DLGAP2: variants seen among roughly 807,000 people sequenced by gnomAD.
DLGAP2 encodes DLG associated protein 2.
Under a neutral mutation model 100.3 loss-of-function variants are expected in DLGAP2, and 26 were observed. The ratio of observed to expected loss-of-function variants is 0.26; its 90% CI spans 0.19 to 0.36. The LOEUF (loss-of-function observed/expected upper bound fraction) is 0.36. DLGAP2 is among the 10% of genes least tolerant of loss of function. The pLI, the probability that DLGAP2 is intolerant of heterozygous loss-of-function variation, is 1.00. For synonymous variants in DLGAP2, 886 were observed against 630.1 expected, an observed-to-expected ratio of 1.41 and a Z score of -6.08; for missense variants, 1,858 against 1,453.2, an observed-to-expected ratio of 1.28 and a Z score of -4.53.
At chr8:1,037,227 G>A (rs778106935) in intron 2 of DLGAP2, among the ~76,000 whole-genome samples, 7 of 151,962 alleles carry the variant, frequency 4.6e-5, no homozygotes, top group Non-Finnish European at 1.0e-4. Context: ...CGGCCCGAGC[G>A]CCCCGAGCTT....
chr8:1,249,550 T>G (rs997101184), intron 2 of DLGAP2, among the ~76,000 whole-genome samples: 1 of 152,204 alleles, frequency 6.6e-6, no homozygotes, highest in South Asian at 2.1e-4. Context: ...AAAACGAAAC[T>G]AGAATAATTC....
chr8:1,451,157 C>T (rs1483083561), intron 3 of DLGAP2, among the ~76,000 whole-genome samples: 3 of 152,106 alleles, frequency 2.0e-5, no homozygotes, highest in Non-Finnish European at 4.4e-5. Flanking sequence ...CCAGCATGTT[C>T]CGCCGCTGCC....
In DLGAP2 at chr8:1,494,291, C is replaced by T. The variant is rs558285423; in HGVS notation, c.107-7075C>T. ...AGGCTTAACTGCTTCCTTTTGCTTC[C>T]GCATTAGCATGATTTGGAGACAACT... On this transcript the variant is annotated intron_variant, in intron 3 of 14. Coordinates refer to ENST00000637795, the MANE Select transcript of DLGAP2 (RefSeq NM_001346810.2). 1.0e-3 allele frequency among the ~76,000 whole-genome samples: 157 copies of T among 152,204 alleles called. 1 individual carries two copies. Among genetic ancestry groups the T allele is most frequent in the Non-Finnish European group, 1.7e-3 (119 of 68,034 alleles).
chr8:785,904 G>GGCC (rs1821849098), intron 1 of DLGAP2, among the ~76,000 whole-genome samples: 1 of 152,104 alleles, frequency 6.6e-6, no homozygotes, highest in African/African-American at 2.4e-5. Flanking sequence ...GCTCCTGCCG[G>GGCC]GCCCCTCCCG....
At chr8:940,001 G>A (rs1461353661) in intron 2 of DLGAP2, among the ~76,000 whole-genome samples, 4 of 152,008 alleles carry the variant, frequency 2.6e-5, no homozygotes, top group African/African-American at 7.3e-5. Context: ...GAGAGAATCC[G>A]GGAATAGAAG....
intron 3 of DLGAP2, among the ~76,000 whole-genome samples, chr8:1,412,229 G>C (rs1209831397): frequency 6.6e-6 from 1 of 152,090 alleles, no homozygotes; most frequent in Non-Finnish European, 1.5e-5. Flanking sequence ...TGAAGGCGAG[G>C]TCCCCCGCCA....
At chr8:1,634,105 C>G (rs988059757) in intron 8 of DLGAP2, among the ~76,000 whole-genome samples, 1 of 152,220 alleles carries the variant, frequency 6.6e-6, no homozygotes, top group African/African-American at 2.4e-5. Flanking sequence ...AGGGAAGGAA[C>G]TGTGTTCAAA....
chr8:1,377,064 G>A (rs756382821), intron 3 of DLGAP2, among the ~76,000 whole-genome samples: 2 of 152,226 alleles, frequency 1.3e-5, no homozygotes, highest in African/African-American at 2.4e-5. Context: ...ATTAGAATAG[G>A]GCAGTGAGAT....
chr8:810,211 C>A (rs1045928272), intron 1 of DLGAP2, among the ~76,000 whole-genome samples: 1 of 152,238 alleles, frequency 6.6e-6, no homozygotes, highest in Non-Finnish European at 1.5e-5. Flanking sequence ...CACTTCTAAT[C>A]TTTGCAGCTT....
Position 881,666 on chromosome 8 carries a change from A to ATGTATATATATATAT in DLGAP2, c.19-26246_19-26245insTGTATATATATATAT. On this transcript the variant is annotated intron_variant, in intron 1 of 14. Coordinates refer to ENST00000637795, the MANE Select transcript of DLGAP2 (RefSeq NM_001346810.2). Reference sequence around the variant, plus strand: ...AGGCGCACGCCACCACTTGTGGCTGAACACACACACACACACTTTTTTTTT... The same window carrying ATGTATATATATATAT: ...AGGCGCACGCCACCACTTGTGGCTGATGTATATATATATATACACACACACACACACTTTTTTTTT... 5.0e-4 allele frequency among the ~76,000 whole-genome samples: 66 copies of ATGTATATATATATAT among 130,972 alleles called. 1 individual carries two copies. Among genetic ancestry groups the ATGTATATATATATAT allele is most frequent in the South Asian group, 7.2e-4 (3 of 4,162 alleles). 85.9% of individuals were successfully genotyped at this position (130,972 alleles called of 152,430 possible).
chr8:909,210 G>A (rs984125609), intron 2 of DLGAP2, among the ~76,000 whole-genome samples: 1 of 152,006 alleles, frequency 6.6e-6, no homozygotes, highest in Non-Finnish European at 1.5e-5. Context: ...GATATTTTTG[G>A]GCCTCTTTTT....
chr8:1,028,669 G>A (rs1223194535), intron 2 of DLGAP2, among the ~76,000 whole-genome samples: 6 of 152,266 alleles, frequency 3.9e-5, no homozygotes, highest in Admixed American at 6.5e-5. Flanking sequence ...GAGCCATCCA[G>A]GAGCTAGGGT....
chr8:1,276,405 C>G (rs976238635), intron 3 of DLGAP2, among the ~76,000 whole-genome samples: 3 of 152,032 alleles, frequency 2.0e-5, no homozygotes, highest in African/African-American at 7.2e-5. Flanking sequence ...CTTGGCCGCA[C>G]GTTGGGAAAC....
chr8:1,089,502 C>A (rs553404955), intron 2 of DLGAP2, among the ~76,000 whole-genome samples: 1 of 152,316 alleles, frequency 6.6e-6, no homozygotes, highest in East Asian at 1.9e-4. Flanking sequence ...CTCCTGCTGC[C>A]CCAGGCCTTC....
intron 8 of DLGAP2, among the ~76,000 whole-genome samples, chr8:1,634,821 G>C (rs1797730424): frequency 6.6e-6 from 1 of 152,148 alleles, no homozygotes. Flanking sequence ...ACAGAGATAA[G>C]AACCAGTTCT....
At chr8:1,311,694 T>G (rs1415404778) in intron 3 of DLGAP2, among the ~76,000 whole-genome samples, 1 of 139,682 alleles carries the variant, frequency 7.2e-6, no homozygotes. Flanking sequence ...ATCTCATAAC[T>G]GTTCATGATA....
At chr8:1,202,024 C>G (rs1277201960) in intron 2 of DLGAP2, among the ~76,000 whole-genome samples, 1 of 149,040 alleles carries the variant, frequency 6.7e-6, no homozygotes, top group Non-Finnish European at 1.5e-5. Context: ...TGTCTATGTA[C>G]ATGTGTGCAC....
intron 3 of DLGAP2, among the ~76,000 whole-genome samples, chr8:1,467,378 C>A (rs989905802): frequency 6.6e-6 from 1 of 151,642 alleles, no homozygotes; most frequent in Admixed American, 6.6e-5. Context: ...CCCACAGCCC[C>A]CCAGAGCTCT....
At chr8:1,383,530 G>A (rs1796142426) in intron 3 of DLGAP2, among the ~76,000 whole-genome samples, 2 of 152,304 alleles carry the variant, frequency 1.3e-5, no homozygotes, top group East Asian at 1.9e-4. Context: ...GGGACACACA[G>A]TTGGCGACGT....
Sources: gnomAD v4.1 joint callset for allele counts (sites outside exome capture counted in the v4.1 genomes callset) on GRCh38, gnomAD v4.1.1 for gene constraint, MANE v1.5 for transcripts, NCBI Gene and HGNC (gene_info 2026-07-23, HGNC 2026-07-21) for gene names.